CDC42BPA: variants seen among roughly 807,000 people sequenced by gnomAD.
The protein encoded by CDC42BPA is CDC42 binding protein kinase alpha.
Under a neutral mutation model 223.5 loss-of-function variants are expected in CDC42BPA, and 80 were observed. The ratio of observed to expected loss-of-function variants is 0.36; its 90% CI spans 0.30 to 0.43. CDC42BPA has a LOEUF of 0.43. Ranked by LOEUF, CDC42BPA falls within the 20% of genes least tolerant of loss-of-function variation. The probability of loss-of-function intolerance (pLI) is 1.00; values close to 1 mark genes in which losing one functional copy is unlikely to be tolerated. For synonymous variants in CDC42BPA, 694 were observed against 718.6 expected, an observed-to-expected ratio of 0.97 and a Z score of 0.55; for missense variants, 1,743 against 2,099.9, an observed-to-expected ratio of 0.83 and a Z score of 3.32.
chr1:227,190,216 C>T lies in CDC42BPA; in HGVS notation c.599+3570G>A, dbSNP rs545054333. ...AGAGTCTTCTCATCCTTCAAAGCCC[C>T]TCCATTAAAGTCTTCTATGGAAAAC... is the stretch of plus-strand genomic sequence containing the variant. On this transcript the variant is annotated intron_variant, in intron 5 of 36. Transcript: ENST00000366766. 3.2e-4 allele frequency among the ~76,000 whole-genome samples: 49 copies of T among 152,254 alleles called. No homozygotes were observed. The East Asian group carries it at 7.7e-3, about 24-fold the overall frequency.
intron 2 of CDC42BPA, among the ~76,000 whole-genome samples, chr1:227,223,426 G>A (rs1266459742): frequency 6.6e-6 from 1 of 152,168 alleles, no homozygotes; most frequent in African/African-American, 2.4e-5. Context: ...CAGATAACAG[G>A]GGAACCATTC....
chr1:227,267,391 C>T (rs7515739), intron 1 of CDC42BPA, among the ~76,000 whole-genome samples: 22,818 of 152,036 alleles, frequency 0.15, 2,079 homozygotes, highest in African/African-American at 0.24. Context: ...AATAGTATTA[C>T]TATATTTTAA....
intron 31 of CDC42BPA, 62 bp from the exon 32 acceptor site, chr1:227,023,409 T>C: frequency 1.2e-6 from 1 of 848,040 alleles, no homozygotes; most frequent in Non-Finnish European, 1.8e-6. Context: ...TATAAAACTT[T>C]TGTCCTGCTT....
intron 11 of CDC42BPA, among the ~76,000 whole-genome samples, chr1:227,122,278 T>C (rs1284622607): frequency 2.6e-5 from 4 of 152,244 alleles, no homozygotes; most frequent in Non-Finnish European, 5.9e-5. Context: ...TAGTAATCCA[T>C]TCTGAGCACA....
Position 226,991,694 on chromosome 1 carries a change from A to G in CDC42BPA, c.*2574T>C, listed in dbSNP as rs1238318659. 6.6e-6 allele frequency: 1 copy of G among 152,084 alleles called. No individual in the cohort carries two copies. Among genetic ancestry groups the G allele is most frequent in the East Asian group, 1.9e-4 (1 of 5,180 alleles). 9.4% of individuals were successfully genotyped at this position (152,084 alleles called of 1,614,324 possible). On this transcript the variant is annotated 3_prime_UTR_variant, in exon 37 of 37. Coordinates refer to ENST00000366766, the MANE Select transcript of CDC42BPA (RefSeq NM_001394014.1). ...CCTGGCAACCTAGACAAGCCTCAGT[A>G]GCTCTCTCTCTCTGCCCTGTTGGGA...
chr1:227,125,602 TAAAAAAAAA>T (rs78634914), intron 11 of CDC42BPA, among the ~76,000 whole-genome samples: 1 of 117,602 alleles, frequency 8.5e-6, no homozygotes, highest in Non-Finnish European at 1.7e-5. Flanking sequence ...GTCTACAAAT[TAAAAAAAAA>T]AAAAAAAAAA....
intron 6 of CDC42BPA, among the ~76,000 whole-genome samples, chr1:227,154,936 G>C (rs542645501): frequency 6.6e-6 from 1 of 152,088 alleles, no homozygotes; most frequent in South Asian, 2.1e-4. Flanking sequence ...GAATAGCCAA[G>C]ATAATTTTAG....
In CDC42BPA at chr1:227,193,892, G is replaced by A. The variant is rs1670212255; in HGVS notation, c.493C>T (p.Leu165=). 1.2e-6 allele frequency: 2 copies of A among 1,612,278 alleles called. No homozygotes were observed. The highest frequency in any genetic ancestry group is 2.7e-5 in the African/African-American group (2 of 74,956). ...DYYVGGDLLT[L]LSKFEDRLPE... ...AATCTATCTTCAAATTTGCTGAGTAGAGTAAGCAAATCCCCACCAACATAA... is the reference window on the plus strand; with the variant it reads ...AATCTATCTTCAAATTTGCTGAGTAAAGTAAGCAAATCCCCACCAACATAA... The change falls in exon 5 of 37, where the codon CTA becomes TTA. Residue 165 remains leucine, a synonymous_variant. Transcript: ENST00000366766.
intron 35 of CDC42BPA, among the ~76,000 whole-genome samples, chr1:226,999,506 A>G (rs920019066): frequency 3.3e-5 from 5 of 152,118 alleles, no homozygotes; most frequent in African/African-American, 7.2e-5. Context: ...TGGTGGGAGT[A>G]TAAGTTAGTT....
rs79448637 is a variant in CDC42BPA, at chr1:227,100,779, C to T, written c.2249+213G>A. On this transcript the variant is annotated intron_variant, in intron 15 of 36. Coordinates refer to ENST00000366766, the MANE Select transcript of CDC42BPA (RefSeq NM_001394014.1). Reference sequence around the variant, plus strand: ...GTGTGTGTGTGTGTGTGTGTGTGTGCGTGTGCCATCATACCCAGCTAGAAG... The same window carrying T: ...GTGTGTGTGTGTGTGTGTGTGTGTGTGTGTGCCATCATACCCAGCTAGAAG... Among the ~76,000 whole-genome samples the T allele has an allele frequency of 4.1e-3, 174 of 42,132 alleles. 1 individual carries two copies. Among genetic ancestry groups the T allele is most frequent in the Admixed American group, 3.7e-3 (13 of 3,558 alleles). 27.6% of individuals were successfully genotyped at this position (42,132 alleles called of 152,430 possible). A position where few individuals can be genotyped will look rare whatever the true frequency, so the allele number is the denominator to read the frequency against.
At chr1:227,246,169 A>T (rs996809010) in intron 2 of CDC42BPA, among the ~76,000 whole-genome samples, 1 of 152,308 alleles carries the variant, frequency 6.6e-6, no homozygotes, top group African/African-American at 2.4e-5. Context: ...GCCTGGCAGA[A>T]CTGCTCATGG....
chr1:227,298,921 A>G (rs1439997456), intron 1 of CDC42BPA, among the ~76,000 whole-genome samples: 1 of 152,360 alleles, frequency 6.6e-6, no homozygotes, highest in East Asian at 1.9e-4. Context: ...TCAATATGCT[A>G]GAATAGAATC....
At chr1:227,133,289 G>A (rs1657715283) in intron 10 of CDC42BPA, among the ~76,000 whole-genome samples, 1 of 151,156 alleles carries the variant, frequency 6.6e-6, no homozygotes, top group African/African-American at 2.4e-5. Flanking sequence ...GCCCCTACTG[G>A]GAAGTGAGGA....
intron 1 of CDC42BPA, among the ~76,000 whole-genome samples, chr1:227,315,670 T>C (rs1244499696): frequency 6.6e-6 from 1 of 152,008 alleles, no homozygotes; most frequent in East Asian, 1.9e-4. Flanking sequence ...ATTCAACAAA[T>C]AAAAGACGTA....
At chr1:227,150,449 A>T (rs1457827422) in intron 6 of CDC42BPA, among the ~76,000 whole-genome samples, 1 of 152,174 alleles carries the variant, frequency 6.6e-6, no homozygotes, top group African/African-American at 2.4e-5. Flanking sequence ...CTTCAAAGTG[A>T]TAAGAAAAAA....
chr1:227,274,210 A>C (rs1424477027), intron 1 of CDC42BPA, among the ~76,000 whole-genome samples: 1 of 152,106 alleles, frequency 6.6e-6, no homozygotes, highest in Middle Eastern at 3.2e-3. Context: ...GGAACCCCCC[A>C]GTGGCCACAT....
chr1:227,073,673 A>T (rs1678889003), intron 19 of CDC42BPA, among the ~76,000 whole-genome samples, 191 bp downstream of exon 19: 1 of 152,184 alleles, frequency 6.6e-6, no homozygotes, highest in Admixed American at 6.5e-5. Context: ...GCCAGAGGAA[A>T]ACAAGGCTAT....
intron 4 of CDC42BPA, among the ~76,000 whole-genome samples, chr1:227,197,985 A>G (rs982695081): frequency 2.0e-5 from 3 of 152,164 alleles, no homozygotes; most frequent in African/African-American, 7.2e-5. Flanking sequence ...TAGCACATAC[A>G]AAAAACTCTA....
intron 2 of CDC42BPA, among the ~76,000 whole-genome samples, chr1:227,233,909 G>A (rs1390720107): frequency 6.6e-6 from 1 of 152,122 alleles, no homozygotes; most frequent in Non-Finnish European, 1.5e-5. Context: ...CTCCTGCCTG[G>A]GTGACAGGAC....
Sources: allele counts gnomAD v4.1 joint callset (sites outside exome capture counted in the v4.1 genomes callset), GRCh38; gene constraint gnomAD v4.1.1; transcripts MANE v1.5; gene names NCBI Gene and HGNC (gene_info 2026-07-23, HGNC 2026-07-21).